The following NDUFAF6 variants were observed in gnomAD, a reference collection of about 807,000 sequenced individuals.
NDUFAF6 encodes the protein NADH:ubiquinone oxidoreductase complex assembly factor 6, also known as NADH dehydrogenase (ubiquinone) complex I, assembly factor 6.
A neutral mutation model predicts 40.8 loss-of-function variants in NDUFAF6; 45 were observed. The observed-to-expected ratio is 1.10, with a 90% CI of 0.87 to 1.42. The LOEUF (loss-of-function observed/expected upper bound fraction) is 1.42, where lower values mean the gene tolerates loss of function less well. NDUFAF6 is among the 40% of genes most tolerant of loss of function. NDUFAF6 has a pLI of 0.00. For missense variants in NDUFAF6, 435 were observed against 418.5 expected (o/e 1.04, Z -0.34); for synonymous variants, 185 against 155.9 (o/e 1.19, Z -1.39).
chr8:95,075,740 C>T (rs191977392), exon 10 of NDUFAF6: 14 of 1,275,322 alleles, frequency 1.1e-5, no homozygotes, highest in East Asian at 5.6e-5. Context: ...TCTAGGCATG[C>T]GCACTTCTCC....
chr8:94,991,034 ACAG>A (rs753781194), intron 2 of NDUFAF6, among the ~76,000 whole-genome samples: 150 of 152,342 alleles, frequency 9.8e-4, no homozygotes, highest in Middle Eastern at 3.4e-3. Context: ...CTGGAGCTAA[ACAG>A]CAGTATACCC....
At chr8:94,940,222 T>C in intron 1 of NDUFAF6, 1 of 1,602,000 alleles carries the variant, frequency 6.2e-7, no homozygotes. Context: ...TGCAAGTATC[T>C]AGATCGTAGT....
chr8:94,961,243 C>T (rs985738883), intron 1 of NDUFAF6, among the ~76,000 whole-genome samples: 6 of 152,220 alleles, frequency 3.9e-5, no homozygotes, highest in African/African-American at 1.4e-4. Flanking sequence ...AGGCTTACCT[C>T]ATATAAAACT....
chr8:94,927,238 G>A (rs1819973581), intron 1 of NDUFAF6: 1 of 152,492 alleles, frequency 6.6e-6, no homozygotes, highest in African/African-American at 2.4e-5. Flanking sequence ...TTCCTTGCTC[G>A]TTTTTCTTAA....
chr8:95,024,914 C>T, upstream of NDUFAF6: 1 of 1,105,272 alleles, frequency 9.0e-7, no homozygotes, highest in Non-Finnish European at 1.2e-6. Context: ...TGCCTTCCCG[C>T]GACTCAAAGG....
At chr8:94,987,618 C>T (rs945777147) in intron 2 of NDUFAF6, among the ~76,000 whole-genome samples, 8 of 152,158 alleles carry the variant, frequency 5.3e-5, no homozygotes, top group South Asian at 2.1e-4. Flanking sequence ...TTGACAGAGA[C>T]GGTCCTGGCT....
exon 1 of NDUFAF6, chr8:94,958,092 AG>A (rs1823235262): frequency 6.6e-6 from 1 of 152,556 alleles, no homozygotes; most frequent in Non-Finnish European, 1.5e-5. Context: ...CGGCACAGGC[AG>A]TTCGTGAGGA....
intron 1 of NDUFAF6, among the ~76,000 whole-genome samples, chr8:94,969,920 A>G (rs1175181744): frequency 6.6e-6 from 1 of 152,178 alleles, no homozygotes; most frequent in Non-Finnish European, 1.5e-5. Flanking sequence ...AAACAAAGAT[A>G]AAGAAAACTG....
chr8:95,058,627 T>C lies in NDUFAF6; in HGVS notation c.*690T>C. 1.8e-6 allele frequency: 2 copies of C among 1,126,224 alleles called. No individual in the cohort carries two copies. The highest frequency in any genetic ancestry group is 2.2e-6 in the Non-Finnish European group (2 of 922,038). The allele number at this position is 1,126,224 out of a possible 1,614,324, so 69.8% of individuals were successfully genotyped here. A position where few individuals can be genotyped will look rare whatever the true frequency, so the allele number is the denominator to read the frequency against. ...CTGTCATTCAGCATTATCATGATCG[T>C]GAACAAAATTGTACTGAGAAAGTTT... is the stretch of plus-strand genomic sequence containing the variant. On this transcript the variant is annotated 3_prime_UTR_variant, in exon 9 of 9. Transcript: ENST00000396124.
At position 94,930,858 on chromosome 8, in the gene NDUFAF6, C is replaced by G. The variant is rs1173158329; in HGVS notation, c.-935-14625C>G. On this transcript the variant is annotated intron_variant, in intron 1 of 14. Transcript: ENST00000396113. ...CTGAATGAGAGCTTGTGTTTCATGG[C>G]TGACAGACAAGTTTATTATTCTGTG... 4 of 1,079,986 alleles carry G rather than the reference C, an allele frequency of 3.7e-6. No homozygotes were observed. The African/African-American group carries it at 4.8e-5, about 13-fold the overall frequency. The allele number at this position is 1,079,986 out of a possible 1,614,324, so 66.9% of individuals were successfully genotyped here.
intron 1 of NDUFAF6, among the ~76,000 whole-genome samples, chr8:94,904,375 A>C (rs1818253821): frequency 1.9e-5 from 2 of 104,822 alleles, no homozygotes; most frequent in African/African-American, 8.0e-5. Context: ...ACAGGGTTTC[A>C]CCGTGTTAGC....
chr8:95,002,042 A>G (rs1386502561), intron 2 of NDUFAF6, among the ~76,000 whole-genome samples: 3 of 152,254 alleles, frequency 2.0e-5, no homozygotes, highest in Non-Finnish European at 2.9e-5. Context: ...GTTTGAAGAC[A>G]ATGAAAAGAG....
At chr8:95,046,864 A>G (rs1387616705) in intron 5 of NDUFAF6, 130 bp from the exon 6 acceptor site, 3 of 1,261,934 alleles carry the variant, frequency 2.4e-6, no homozygotes, top group African/African-American at 1.5e-5. Context: ...TCACTCATAA[A>G]TCCTGTTTTT....
At chr8:94,967,274 C>G (rs1458234693) in intron 1 of NDUFAF6, among the ~76,000 whole-genome samples, 1 of 152,184 alleles carries the variant, frequency 6.6e-6, no homozygotes, top group Non-Finnish European at 1.5e-5. Context: ...TCACTGTTTT[C>G]TTGGATATGC....
At chr8:95,090,782 C>A (rs2132063334) in intron 2 of NDUFAF6, among the ~76,000 whole-genome samples, 1 of 152,236 alleles carries the variant, frequency 6.6e-6, no homozygotes, top group Middle Eastern at 3.4e-3. Flanking sequence ...CTGGTGGGCA[C>A]AATCTAATCA....
At chr8:94,938,656 A>T (rs1474249488) in intron 1 of NDUFAF6, among the ~76,000 whole-genome samples, 1 of 152,192 alleles carries the variant, frequency 6.6e-6, no homozygotes, top group Admixed American at 6.5e-5. Flanking sequence ...TAAGACCCCA[A>T]TAGTACTGAG....
At chr8:95,028,916 C>T (rs1828494014) in intron 1 of NDUFAF6, among the ~76,000 whole-genome samples, 1 of 152,180 alleles carries the variant, frequency 6.6e-6, no homozygotes, top group Non-Finnish European at 1.5e-5. Flanking sequence ...TCCTTAGAAA[C>T]TTTTGGGGAA....
intron 6 of NDUFAF6, among the ~76,000 whole-genome samples, chr8:95,047,508 CTTTTTTTTTT>C (rs373655223): frequency 1.6e-5 from 2 of 126,422 alleles, no homozygotes; most frequent in African/African-American, 5.8e-5. Context: ...CTTTTCTTTT[CTTTTTTTTTT>C]TTTTTTTTTG....
At chr8:94,913,891 A>C (rs938416026) in intron 1 of NDUFAF6, among the ~76,000 whole-genome samples, 2 of 152,100 alleles carry the variant, frequency 1.3e-5, no homozygotes, top group Admixed American at 6.5e-5. Flanking sequence ...TCCTGAGCTT[A>C]AGCGATTCTC....
Sources: gnomAD v4.1 joint callset for allele counts (sites outside exome capture counted in the v4.1 genomes callset) on GRCh38, gnomAD v4.1.1 for gene constraint, MANE v1.5 for transcripts, NCBI Gene and HGNC (gene_info 2026-07-23, HGNC 2026-07-21) for gene names.